The following PAWR variants were observed in gnomAD, a reference collection of about 807,000 sequenced individuals.
PAWR encodes the protein pro-apoptotic WT1 regulator.
A neutral mutation model predicts 32.0 loss-of-function variants in PAWR; 23 were observed. The ratio of observed to expected loss-of-function variants is 0.72; its 90% CI spans 0.52 to 1.02. The LOEUF is 1.02. Among genes scored for constraint, PAWR ranks in the 50% least tolerant of loss-of-function variants. The pLI is 0.00. For synonymous variants in PAWR, 226 were observed against 187.1 expected (o/e 1.21, Z -1.70); for missense variants, 457 against 437.7 (o/e 1.04, Z -0.39).
intron 2 of PAWR, among the ~76,000 whole-genome samples, chr12:79,645,420 T>C (rs1200389457): frequency 2.0e-5 from 3 of 152,168 alleles, no homozygotes; most frequent in Non-Finnish European, 4.4e-5. Flanking sequence ...GAAATGACAC[T>C]GGAACTGTCA....
rs1875727094 is a variant in PAWR, at chr12:79,632,344, TATATATATATA to T, written c.517-11148_517-11138del. Among the ~76,000 whole-genome samples, 3 of 63,988 alleles carry T rather than the reference TATATATATATA, an allele frequency of 4.7e-5. No individual in the cohort carries two copies. The African/African-American group carries it at 5.5e-4, about 12-fold the overall frequency. 42.0% of individuals were successfully genotyped at this position (63,988 alleles called of 152,430 possible). On this transcript the variant is annotated intron_variant, in intron 2 of 6. Transcript: ENST00000328827. ...ATATATATATATATATATATATATA[TATATATATATA>T]TATATATTTTTTTTTTTTTTTAGAC...
chr12:79,606,721 G>T (rs1874200278), intron 4 of PAWR, among the ~76,000 whole-genome samples: 1 of 152,110 alleles, frequency 6.6e-6, no homozygotes, highest in Non-Finnish European at 1.5e-5. Context: ...TCCTACCCAT[G>T]CTAGGCAAAT....
intron 2 of PAWR, among the ~76,000 whole-genome samples, chr12:79,653,379 T>C (rs1876945917): frequency 1.3e-5 from 2 of 152,090 alleles, no homozygotes; most frequent in South Asian, 2.1e-4. Flanking sequence ...TTACCTGATC[T>C]ACTTTTAAAA....
chr12:79,671,696 A>G (rs1019404501), intron 2 of PAWR, among the ~76,000 whole-genome samples: 37 of 152,238 alleles, frequency 2.4e-4, no homozygotes, highest in African/African-American at 8.9e-4. Flanking sequence ...AAGCTTATAC[A>G]TGTAATGAAC....
intron 4 of PAWR, among the ~76,000 whole-genome samples, chr12:79,605,633 TA>T (rs1158065693): frequency 6.6e-6 from 1 of 152,124 alleles, no homozygotes; most frequent in Admixed American, 6.6e-5. Flanking sequence ...TTGCCTATTA[TA>T]TGTATAATAT....
intron 2 of PAWR, among the ~76,000 whole-genome samples, chr12:79,624,064 T>A (rs1875161598): frequency 6.6e-6 from 1 of 152,134 alleles, no homozygotes; most frequent in African/African-American, 2.4e-5. Flanking sequence ...GTGAAAGCAA[T>A]CATCACTTAT....
chr12:79,610,958 A>C (rs1347710642), intron 4 of PAWR, among the ~76,000 whole-genome samples: 1 of 151,332 alleles, frequency 6.6e-6, no homozygotes, highest in Non-Finnish European at 1.5e-5. Flanking sequence ...AAGTCAATTC[A>C]AGTTTTAAAA....
chr12:79,607,740 A>T lies in PAWR; in HGVS notation c.683+5835T>A, dbSNP rs868595403. 4.2e-4 allele frequency among the ~76,000 whole-genome samples: 61 copies of T among 145,836 alleles called. 1 individual carries two copies. The highest frequency in any genetic ancestry group is 5.9e-4 in the East Asian group (3 of 5,060). On this transcript the variant is annotated intron_variant, in intron 4 of 6. Coordinates refer to ENST00000328827, the MANE Select transcript of PAWR (RefSeq NM_002583.4). ...TGAGACCTTGTCTCAAAAAAAAAAA[A>T]AAAAATAATAATAATAATAATAATC...
chr12:79,626,959 T>C (rs1875360754), intron 2 of PAWR, among the ~76,000 whole-genome samples: 1 of 152,228 alleles, frequency 6.6e-6, no homozygotes, highest in African/African-American at 2.4e-5. Context: ...ATGGTGTGTA[T>C]ATGCCACATT....
chr12:79,604,755 CCAA>C (rs1460951073), intron 4 of PAWR: 2 of 1,168,600 alleles, frequency 1.7e-6, no homozygotes, highest in African/African-American at 3.2e-5. Flanking sequence ...AGCACATACA[CCAA>C]CAACTAAAAA....
chr12:79,629,347 T>C (rs1875494813), intron 2 of PAWR, among the ~76,000 whole-genome samples: 1 of 152,154 alleles, frequency 6.6e-6, no homozygotes, highest in Non-Finnish European at 1.5e-5. Flanking sequence ...GAAACAGTCT[T>C]ATCGAAGTAG....
chr12:79,686,384 GC>G (rs1427746241), intron 2 of PAWR, among the ~76,000 whole-genome samples: 1 of 152,138 alleles, frequency 6.6e-6, no homozygotes, highest in African/African-American at 2.4e-5. Flanking sequence ...TTACCTGAGA[GC>G]ACCTCGTGGG....
chr12:79,621,302 G>T, intron 2 of PAWR, 95 bp from the exon 3 acceptor site: 1 of 907,218 alleles, frequency 1.1e-6, no homozygotes, highest in Non-Finnish European at 1.6e-6. Context: ...AGAAATATTT[G>T]TGCATTCAGA....
rs564478027 is a variant in PAWR, at chr12:79,624,863, C to G, written c.517-3656G>C. Among the ~76,000 whole-genome samples, 38 of 152,152 alleles carry G rather than the reference C, an allele frequency of 2.5e-4. 1 individual carries two copies. The highest frequency in any genetic ancestry group is 1.2e-3 in the East Asian group (6 of 5,178). On this transcript the variant is annotated intron_variant, in intron 2 of 6. Transcript: ENST00000328827. ...TGAACATTTGGGTTTTTTACACGCTCTAAGAAAAATGTGTTAGAAAGGCTT... is the reference window on the plus strand; with the variant it reads ...TGAACATTTGGGTTTTTTACACGCTGTAAGAAAAATGTGTTAGAAAGGCTT...
intron 4 of PAWR, among the ~76,000 whole-genome samples, chr12:79,610,739 G>A (rs1874395628): frequency 6.9e-6 from 1 of 144,192 alleles, no homozygotes; most frequent in South Asian, 2.2e-4. Flanking sequence ...GCAACATAGA[G>A]AGATTCTGTC....
chr12:79,636,820 T>A (rs532591773), intron 2 of PAWR, among the ~76,000 whole-genome samples: 1 of 152,176 alleles, frequency 6.6e-6, no homozygotes, highest in Admixed American at 6.5e-5. Flanking sequence ...AAAAATTTTA[T>A]CTCATTTTCT....
At chr12:79,600,209 T>G (rs1009193271) in intron 4 of PAWR, among the ~76,000 whole-genome samples, 15 of 152,312 alleles carry the variant, frequency 9.8e-5, no homozygotes, top group South Asian at 2.1e-4. Context: ...TGTCATCATT[T>G]GGTTTACTAC....
intron 2 of PAWR, among the ~76,000 whole-genome samples, chr12:79,626,903 T>C (rs553494858): frequency 1.8e-4 from 28 of 152,306 alleles, no homozygotes; most frequent in African/African-American, 5.8e-4. Flanking sequence ...TCCATGTCCC[T>C]ACAAAGGACA....
chr12:79,647,352 T>G (rs1021116846), intron 2 of PAWR, among the ~76,000 whole-genome samples: 2 of 152,188 alleles, frequency 1.3e-5, no homozygotes, highest in Non-Finnish European at 2.9e-5. Flanking sequence ...CAAATGTTAT[T>G]GTATACAAAG....
Sources: gnomAD v4.1 joint callset for allele counts (sites outside exome capture counted in the v4.1 genomes callset) on GRCh38, gnomAD v4.1.1 for gene constraint, MANE v1.5 for transcripts, NCBI Gene and HGNC (gene_info 2026-07-23, HGNC 2026-07-21) for gene names.